Variants in DGKH observed in about 807,000 individuals in gnomAD.
DGKH encodes the protein DAG kinase eta.
In DGKH, 90 loss-of-function variants were observed where a neutral mutation model predicts 159.3. The ratio of observed to expected loss-of-function variants is 0.57; its 90% CI spans 0.48 to 0.67. The LOEUF (loss-of-function observed/expected upper bound fraction) is 0.67, where lower values mean the gene tolerates loss of function less well. Ranked by LOEUF, DGKH falls within the 30% of genes least tolerant of loss-of-function variation. The pLI, the probability that DGKH is intolerant of heterozygous loss-of-function variation, is 0.00. For missense variants in DGKH, 1,181 were observed against 1,506.1 expected, an observed-to-expected ratio of 0.78 and a Z score of 3.57; for synonymous variants, 536 against 553.8, an observed-to-expected ratio of 0.97 and a Z score of 0.45.
intron 26 of DGKH, among the ~76,000 whole-genome samples, chr13:42,217,243 C>G (rs1957823300): frequency 6.6e-6 from 1 of 152,122 alleles, no homozygotes; most frequent in African/African-American, 2.4e-5. Flanking sequence ...ATTTTAAACA[C>G]AACAGGGTAG....
At chr13:42,114,648 A>G (rs1244332977) in intron 1 of DGKH, among the ~76,000 whole-genome samples, 1 of 152,234 alleles carries the variant, frequency 6.6e-6, no homozygotes, top group African/African-American at 2.4e-5. Context: ...ACAAGATAAG[A>G]TCGGTGTTCT....
At chr13:42,063,496 C>T (rs953690619) in intron 1 of DGKH, among the ~76,000 whole-genome samples, 3 of 152,144 alleles carry the variant, frequency 2.0e-5, no homozygotes, top group African/African-American at 7.2e-5. Flanking sequence ...AATACTATTG[C>T]CGATCCATTA....
In DGKH at chr13:42,219,254, C is replaced by G; in HGVS notation, c.3238C>G (p.Arg1080Gly). The G allele has an allele frequency of 6.2e-7, 1 of 1,613,632 alleles. No individual in the cohort carries two copies. Among genetic ancestry groups the G allele is most frequent in the Non-Finnish European group, 8.5e-7 (1 of 1,179,812 alleles). ...PLQLESPHEE[R>G]VSNALHSVEV... ...GCAGCTGGAATCGCCACATGAAGAG[C>G]GAGTATCCAATGCCTTACACTCTGT... Residue 1080 changes from arginine to glycine, a missense_variant, in exon 27 of 30, where the codon CGA becomes GGA. This residue lies in a region of DGKH where 335 missense variants were observed against 495.2 expected (regional missense o/e 0.68). Transcript: ENST00000337343.
At chr13:42,190,638 A>G in intron 16 of DGKH, 113 bp downstream of exon 16, 1 of 1,089,228 alleles carries the variant, frequency 9.2e-7, no homozygotes, top group Non-Finnish European at 1.3e-6. Context: ...ATTTTTGAAA[A>G]GGCTTTTTGG....
intron 1 of DGKH, among the ~76,000 whole-genome samples, chr13:42,080,851 T>A (rs1273702362): frequency 6.6e-6 from 1 of 152,166 alleles, no homozygotes; most frequent in Admixed American, 6.5e-5. Flanking sequence ...CAGCTTTTTA[T>A]AAGATTTTAT....
At chr13:42,132,844 C>G (rs1955314827) in intron 3 of DGKH, among the ~76,000 whole-genome samples, 1 of 152,088 alleles carries the variant, frequency 6.6e-6, no homozygotes, top group Admixed American at 6.6e-5. Flanking sequence ...TGATCCCAGC[C>G]TGGGCAACAG....
intron 29 of DGKH, among the ~76,000 whole-genome samples, chr13:42,222,990 G>T (rs1190086528): frequency 2.0e-5 from 3 of 152,022 alleles, no homozygotes; most frequent in African/African-American, 4.8e-5. Flanking sequence ...GCTTTTCATG[G>T]GACTTTTTTG....
chr13:42,251,399 C>T (rs1958619136), intron 29 of DGKH, among the ~76,000 whole-genome samples: 2 of 152,054 alleles, frequency 1.3e-5, no homozygotes, highest in South Asian at 4.1e-4. Flanking sequence ...TCAATTGAGT[C>T]CCTGTCTGAA....
At chr13:42,160,881 A>G (rs984000370) in intron 7 of DGKH, among the ~76,000 whole-genome samples, 1 of 94,622 alleles carries the variant, frequency 1.1e-5, no homozygotes. Flanking sequence ...GGTGTAGATC[A>G]GCAAATGTAA....
intron 20 of DGKH, among the ~76,000 whole-genome samples, chr13:42,204,626 A>C (rs1010330750): frequency 6.6e-6 from 1 of 152,190 alleles, no homozygotes; most frequent in African/African-American, 2.4e-5. Flanking sequence ...TCTCCTATGC[A>C]TCCTCACTAA....
rs996337794 is a variant in DGKH, at chr13:42,240,165, G to A, written c.*10977G>A. 2 of 151,994 alleles carry A rather than the reference G, an allele frequency of 1.3e-5. No individual in the cohort carries two copies. Among genetic ancestry groups the A allele is most frequent in the Admixed American group, 1.3e-4 (2 of 15,268 alleles). The allele number at this position is 151,994 out of a possible 1,614,324, so 9.4% of individuals were successfully genotyped here. On this transcript the variant is annotated 3_prime_UTR_variant, in exon 30 of 30. Coordinates refer to ENST00000337343, the MANE Select transcript of DGKH (RefSeq NM_178009.5). ...CTTTGATAAATATTTTTGAATGAAG[G>A]TAATAGAAAACCCGAACTTCTCTAT...
intron 1 of DGKH, among the ~76,000 whole-genome samples, chr13:42,114,431 G>A (rs1954926369): frequency 7.2e-6 from 1 of 138,766 alleles, no homozygotes. Flanking sequence ...TCATTACTAA[G>A]AGCTATTATC....
At position 42,129,535 on chromosome 13, in the gene DGKH, T is replaced by G. The variant is rs772686041; in HGVS notation, c.304-17T>G. On this transcript the variant is annotated splice_polypyrimidine_tract_variant and intron_variant, in intron 2 of 29. Transcript: ENST00000337343. ...GGTTTTCTTCTAATGTCTTTGTATG[T>G]TTTTTTTCATTAACAGTCTCTGATA... The G allele has an allele frequency of 1.9e-6, 3 of 1,591,470 alleles. No individual in the cohort carries two copies. The highest frequency in any genetic ancestry group is 2.6e-6 in the Non-Finnish European group (3 of 1,163,826).
chr13:42,222,439 C>T (rs1014389307), intron 29 of DGKH, among the ~76,000 whole-genome samples: 3 of 152,016 alleles, frequency 2.0e-5, no homozygotes, highest in African/African-American at 4.8e-5. Context: ...CAAAAGATGA[C>T]ACCACTTATA....
At chr13:42,100,034 C>T (rs566316030) in intron 1 of DGKH, among the ~76,000 whole-genome samples, 19 of 152,166 alleles carry the variant, frequency 1.2e-4, no homozygotes, top group Non-Finnish European at 2.2e-4. Context: ...GCCACCAGTC[C>T]GTGGCCTGTG....
At chr13:42,166,456 G>T in intron 8 of DGKH, 59 bp from the exon 9 acceptor site, 2 of 1,330,072 alleles carry the variant, frequency 1.5e-6, no homozygotes, top group South Asian at 2.3e-5. Context: ...CTGAATGTTT[G>T]CTAATAATTT....
At chr13:42,173,636 T>A (rs1417370701) in intron 11 of DGKH, among the ~76,000 whole-genome samples, 1 of 152,204 alleles carries the variant, frequency 6.6e-6, no homozygotes, top group Non-Finnish European at 1.5e-5. Context: ...TTTAAAACTT[T>A]GGGTTATGAC....
At chr13:42,101,734 C>T (rs1442392588) in intron 1 of DGKH, among the ~76,000 whole-genome samples, 1 of 150,092 alleles carries the variant, frequency 6.7e-6, no homozygotes, top group East Asian at 2.0e-4. Flanking sequence ...GAACAGGTAA[C>T]GTCCAAGTTA....
chr13:42,047,610 C>T (rs973673470), upstream of DGKH, among the ~76,000 whole-genome samples: 1 of 152,218 alleles, frequency 6.6e-6, no homozygotes, highest in Non-Finnish European at 1.5e-5. Flanking sequence ...GCTTCTTTGA[C>T]GTTGAGCGTG....
Sources: allele counts gnomAD v4.1 joint callset (sites outside exome capture counted in the v4.1 genomes callset), GRCh38; gene constraint gnomAD v4.1.1; regional missense constraint gnomAD v4.1.1; transcripts MANE v1.5; gene names NCBI Gene and HGNC (gene_info 2026-07-23, HGNC 2026-07-21).